Variants in FAM20C observed in about 807,000 individuals in gnomAD.
FAM20C encodes FAM20C golgi associated secretory pathway kinase.
FAM20C carries 40 observed loss-of-function variants against 51.5 expected under a neutral mutation model. The ratio of observed to expected loss-of-function variants is 0.78; its 90% CI spans 0.60 to 1.01. The LOEUF (loss-of-function observed/expected upper bound fraction) is 1.01, where lower values mean the gene tolerates loss of function less well. Ranked by LOEUF, FAM20C falls within the 50% of genes least tolerant of loss-of-function variation. The probability of loss-of-function intolerance (pLI) is 0.00; values close to 1 mark genes in which losing one functional copy is unlikely to be tolerated. For missense variants in FAM20C, 861 were observed against 844.7 expected, an observed-to-expected ratio of 1.02 and a Z score of -0.24; for synonymous variants, 406 against 380.6, an observed-to-expected ratio of 1.07 and a Z score of -0.78.
Position 247,852 on chromosome 7 carries a change from C to T in FAM20C, c.957-463C>T, listed in dbSNP as rs570369712. Among the ~76,000 whole-genome samples, 2 of 152,328 alleles carry T rather than the reference C, an allele frequency of 1.3e-5. 1 individual carries two copies. Among genetic ancestry groups the T allele is most frequent in the African/African-American group, 4.8e-5 (2 of 41,588 alleles). ...CGGGTCGGCCCTGGCAGACGGCCCA[C>T]GTCCCTCCACACCTGGTCACCTCGC... On this transcript the variant is annotated intron_variant, in intron 4 of 9. Coordinates refer to ENST00000313766, the MANE Select transcript of FAM20C (RefSeq NM_020223.4).
chr7:245,061 G>A (rs1788095684), intron 3 of FAM20C, among the ~76,000 whole-genome samples: 2 of 152,222 alleles, frequency 1.3e-5, no homozygotes, highest in African/African-American at 2.4e-5. Context: ...GCCCCACCCC[G>A]CTGTTCGTGT....
At chr7:259,608 C>CTTTTTTT in intron 9 of FAM20C, 123 bp from the exon 10 acceptor site, 1 of 1,200,022 alleles carries the variant, frequency 8.3e-7, no homozygotes. Flanking sequence ...CTGTCTCTGT[C>CTTTTTTT]CCCCTCTTTC....
At chr7:247,056 T>C (rs1788194949) in intron 4 of FAM20C, among the ~76,000 whole-genome samples, 1 of 152,136 alleles carries the variant, frequency 6.6e-6, no homozygotes, top group African/African-American at 2.4e-5. Flanking sequence ...TATTAAGTGC[T>C]GCGAATCTTA....
chr7:258,805 A>C, intron 9 of FAM20C, 100 bp downstream of exon 9: 4 of 1,183,402 alleles, frequency 3.4e-6, no homozygotes, highest in Non-Finnish European at 3.5e-6. Context: ...CGGCCATCAC[A>C]TGGGAGAGAA....
At chr7:197,985 T>A (rs887646916) in intron 2 of FAM20C, among the ~76,000 whole-genome samples, 3 of 152,190 alleles carry the variant, frequency 2.0e-5, no homozygotes, top group Non-Finnish European at 4.4e-5. Context: ...ACAGAGCCCT[T>A]GCCAGGGAAT....
chr7:212,781 G>A (rs1422703188), intron 3 of FAM20C, among the ~76,000 whole-genome samples: 3 of 152,268 alleles, frequency 2.0e-5, no homozygotes, highest in South Asian at 2.1e-4. Flanking sequence ...AGATATTTAC[G>A]TTCTTTTTTT....
chr7:193,198 C>T lies in FAM20C; in HGVS notation c.-2C>T. 1 of 1,456,616 alleles carries T rather than the reference C, an allele frequency of 6.9e-7. No homozygotes were observed. The highest frequency in any genetic ancestry group is 9.1e-7 in the Non-Finnish European group (1 of 1,098,832). 90.2% of individuals were successfully genotyped at this position (1,456,616 alleles called of 1,614,324 possible). ...TCCAGGCCCGGGCCGGCCCGCGCGGCCATGAAGATGATGCTGGTGCGCCGG... is the reference window on the plus strand; with the variant it reads ...TCCAGGCCCGGGCCGGCCCGCGCGGTCATGAAGATGATGCTGGTGCGCCGG... On this transcript the variant is annotated 5_prime_UTR_variant, in exon 1 of 10. Coordinates refer to ENST00000313766, the MANE Select transcript of FAM20C (RefSeq NM_020223.4).
chr7:220,316 C>T (rs2115095145), intron 3 of FAM20C, among the ~76,000 whole-genome samples: 2 of 152,318 alleles, frequency 1.3e-5, no homozygotes, highest in South Asian at 4.1e-4. Context: ...CTGCCCTGCC[C>T]AGCAGAGTCG....
At chr7:193,885 A>G in intron 1 of FAM20C, 81 bp downstream of exon 1, 1 of 1,458,216 alleles carries the variant, frequency 6.9e-7, no homozygotes, top group Non-Finnish European at 9.1e-7. Flanking sequence ...GGGGCCCCAG[A>G]GGGCCGCCCC....
At chr7:205,138 C>G (rs2115057634) in intron 2 of FAM20C, among the ~76,000 whole-genome samples, 1 of 152,344 alleles carries the variant, frequency 6.6e-6, no homozygotes, top group East Asian at 1.9e-4. Context: ...GCGTCCACGT[C>G]CTGAGCCCCA....
At chr7:243,834 C>A (rs1788033105) in intron 3 of FAM20C, among the ~76,000 whole-genome samples, 1 of 151,988 alleles carries the variant, frequency 6.6e-6, no homozygotes, top group African/African-American at 2.4e-5. Flanking sequence ...CTTTATCAGG[C>A]ACCCAGTGGT....
intron 3 of FAM20C, among the ~76,000 whole-genome samples, chr7:213,469 C>T (rs1277480544): frequency 4.6e-5 from 7 of 152,250 alleles, no homozygotes; most frequent in South Asian, 2.1e-4. Context: ...GTGACTGACA[C>T]GTGGTTCCAA....
intron 2 of FAM20C, among the ~76,000 whole-genome samples, chr7:203,234 G>A (rs777042540): frequency 2.6e-5 from 4 of 152,238 alleles, no homozygotes; most frequent in African/African-American, 4.8e-5. Context: ...CTGGAGGCAC[G>A]GGAGGCTGCA....
intron 3 of FAM20C, among the ~76,000 whole-genome samples, chr7:226,613 C>T (rs151112317): frequency 2.6e-4 from 39 of 152,200 alleles, no homozygotes; most frequent in African/African-American, 8.4e-4. Context: ...TCTGTGGGGA[C>T]GGGCACAGGC....
rs1221964833 is a variant in FAM20C at position 193,497 on chromosome 7, T to A, written c.298T>A (p.Ser100Thr). The A allele has an allele frequency of 1.5e-5, 23 of 1,503,338 alleles. No individual in the cohort carries two copies. Among genetic ancestry groups the A allele is most frequent in the Non-Finnish European group, 1.9e-5 (21 of 1,122,962 alleles). 93.1% of individuals were successfully genotyped at this position (1,503,338 alleles called of 1,614,324 possible). Residue 100 changes from serine to threonine, a missense_variant, in exon 1 of 10, where the codon TCC becomes ACC. By Grantham distance (58) the Ser-to-Thr change is moderately conservative. Coordinates refer to ENST00000313766, the MANE Select transcript of FAM20C (RefSeq NM_020223.4). ...ILQDFSSDPS[S>T]NLSSHSLEKL... is the part of the protein sequence containing the mutation. ...GCAGGACTTCAGCTCCGACCCCTCC[T>A]CCAACCTCTCGTCCCACTCGCTGGA...
intron 3 of FAM20C, among the ~76,000 whole-genome samples, chr7:218,122 G>A (rs1026767409): frequency 2.0e-5 from 3 of 152,166 alleles, no homozygotes; most frequent in African/African-American, 7.2e-5. Context: ...CAGCCTCCTC[G>A]TCTGTGAAAC....
chr7:242,955 AC>A (rs1410892636), intron 3 of FAM20C, among the ~76,000 whole-genome samples: 1 of 151,604 alleles, frequency 6.6e-6, no homozygotes, highest in Non-Finnish European at 1.5e-5. Flanking sequence ...AACCTGTGCC[AC>A]CCGGGATACC....
intron 2 of FAM20C, 48 bp downstream of exon 2, chr7:195,780 G>A (rs777006445): frequency 6.8e-7 from 1 of 1,473,866 alleles, no homozygotes; most frequent in Non-Finnish European, 9.1e-7. Flanking sequence ...CCGGCTGTGT[G>A]GCATCAGGGC....
chr7:201,340 T>C (rs1299863880), intron 2 of FAM20C, among the ~76,000 whole-genome samples: 3 of 152,192 alleles, frequency 2.0e-5, no homozygotes, highest in Non-Finnish European at 4.4e-5. Flanking sequence ...CTGGATGTGT[T>C]TCTGTGGTCC....
Sources: allele counts gnomAD v4.1 joint callset (sites outside exome capture counted in the v4.1 genomes callset), GRCh38; gene constraint gnomAD v4.1.1; transcripts MANE v1.5; gene names NCBI Gene and HGNC (gene_info 2026-07-23, HGNC 2026-07-21).